The following KAT6B variants were observed in gnomAD, a reference collection of about 807,000 sequenced individuals.
KAT6B encodes lysine acetyltransferase 6B, also known as histone acetyltransferase KAT6B.
Under a neutral mutation model 187.5 loss-of-function variants are expected in KAT6B, and 10 were observed. That is an observed-to-expected ratio of 0.05 (90% CI 0.03 to 0.09). The LOEUF is 0.09. Ranked by LOEUF, KAT6B falls within the 10% of genes least tolerant of loss-of-function variation. KAT6B has a pLI of 1.00. For synonymous variants in KAT6B, 861 were observed against 926.8 expected (o/e 0.93, Z 1.29); for missense variants, 1,952 against 2,558.9 (o/e 0.76, Z 5.12).
intron 17 of KAT6B, chr10:75,026,181 AC>A (rs1385002124): frequency 2.0e-5 from 3 of 150,890 alleles, no homozygotes; most frequent in Non-Finnish European, 4.4e-5. Flanking sequence ...ATCTAAACTT[AC>A]CCACACATCA....
At chr10:74,825,278 C>T (rs934459697), upstream of KAT6B, among the ~76,000 whole-genome samples, 1 of 152,044 alleles carries the variant, frequency 6.6e-6, no homozygotes, top group Non-Finnish European at 1.5e-5. This position sits in a 1 kb window ranked among gnomAD's most constrained non-coding sequence, Gnocchi z 5.0. Context: ...CCAAACGGCC[C>T]AGGCGTCCCC....
At position 74,845,723 on chromosome 10, in the gene KAT6B, A is replaced by G. The variant is rs150965422; in HGVS notation, c.621+2245A>G. On this transcript the variant is annotated intron_variant, in intron 3 of 17. Transcript: ENST00000287239. ...ATGTTGCCTGGGCTAAGTACAGTTT[A>G]GAAACAATTGAAACATGCATGTTAG... is the stretch of plus-strand genomic sequence containing the variant. Among the ~76,000 whole-genome samples the G allele has an allele frequency of 4.9e-3, 734 of 151,260 alleles. 13 individuals are homozygous for G. The highest frequency in any genetic ancestry group is 0.017 in the Admixed American group (255 of 15,220).
chr10:74,858,398 C>T (rs576439660), intron 3 of KAT6B, among the ~76,000 whole-genome samples: 22 of 151,756 alleles, frequency 1.4e-4, no homozygotes, highest in Non-Finnish European at 2.6e-4. Flanking sequence ...ACTCCTCCCA[C>T]CTCAGGGTCC....
At chr10:74,910,503 T>C (rs1847125987) in intron 3 of KAT6B, among the ~76,000 whole-genome samples, 1 of 152,232 alleles carries the variant, frequency 6.6e-6, no homozygotes, top group South Asian at 2.1e-4. Flanking sequence ...ATAACTTCAC[T>C]GTGGGCACCC....
chr10:74,973,831 C>G (rs2133701193), intron 7 of KAT6B, among the ~76,000 whole-genome samples: 1 of 152,146 alleles, frequency 6.6e-6, no homozygotes, highest in South Asian at 2.1e-4. Flanking sequence ...TTGCATTCAT[C>G]CTGTGTAAGC....
chr10:74,904,421 GC>G (rs1411804792), intron 3 of KAT6B, among the ~76,000 whole-genome samples: 1 of 152,172 alleles, frequency 6.6e-6, no homozygotes, highest in Non-Finnish European at 1.5e-5. Context: ...CTGCCACATG[GC>G]CCTCTCTACA....
intron 17 of KAT6B, among the ~76,000 whole-genome samples, chr10:75,026,885 C>G (rs1460381708): frequency 1.3e-5 from 2 of 152,120 alleles, no homozygotes; most frequent in Non-Finnish European, 2.9e-5. Flanking sequence ...CCTGTAATCC[C>G]AGCACTTTGG....
intron 3 of KAT6B, among the ~76,000 whole-genome samples, chr10:74,866,042 G>C (rs1011353969): frequency 3.9e-5 from 6 of 151,996 alleles, no homozygotes; most frequent in Admixed American, 2.6e-4. Flanking sequence ...GGGTTCTTCA[G>C]GGCCAGCTGC....
At chr10:74,904,265 A>G (rs1238335796) in intron 3 of KAT6B, among the ~76,000 whole-genome samples, 1 of 152,198 alleles carries the variant, frequency 6.6e-6, no homozygotes, top group East Asian at 1.9e-4. Context: ...GAGTCCAGGC[A>G]CAGGTAACTG....
At chr10:74,834,326 T>G (rs543882920) in intron 1 of KAT6B, among the ~76,000 whole-genome samples, 270 of 151,570 alleles carry the variant, frequency 1.8e-3, no homozygotes, top group African/African-American at 6.3e-3. Context: ...GCCTTCCGAG[T>G]AGCTGGGACC....
At chr10:74,930,180 C>T (rs1848775781) in intron 3 of KAT6B, among the ~76,000 whole-genome samples, 1 of 152,184 alleles carries the variant, frequency 6.6e-6, no homozygotes, top group Admixed American at 6.5e-5. Context: ...ACTTCGGCCT[C>T]CCAGAGTGTT....
intron 3 of KAT6B, among the ~76,000 whole-genome samples, chr10:74,851,522 G>A (rs1232740157): frequency 6.6e-6 from 1 of 151,892 alleles, no homozygotes; most frequent in Non-Finnish European, 1.5e-5. Context: ...TAGTAGAAAC[G>A]GGGTTTCACC....
At chr10:74,984,772 T>A (rs1842717898) in intron 11 of KAT6B, 1 of 378,766 alleles carries the variant, frequency 2.6e-6, no homozygotes, top group South Asian at 2.5e-5. Context: ...GCCTGATCAT[T>A]TTTAGCTCAG....
At chr10:74,859,055 A>C (rs1842996170) in intron 3 of KAT6B, among the ~76,000 whole-genome samples, 1 of 151,586 alleles carries the variant, frequency 6.6e-6, no homozygotes, top group South Asian at 2.1e-4. Flanking sequence ...TATTTCAAAG[A>C]CTAAGTAACA....
At chr10:75,016,900 G>A (rs1845014973) in intron 13 of KAT6B, among the ~76,000 whole-genome samples, 1 of 95,932 alleles carries the variant, frequency 1.0e-5, no homozygotes, top group African/African-American at 4.2e-5. Flanking sequence ...TTTCACTCTT[G>A]TTGCCCAGGC....
rs749944776 is a variant in KAT6B at position 74,989,000 on chromosome 10, C to G, written c.2536-19C>G. The G allele has an allele frequency of 6.4e-7, 1 of 1,559,728 alleles. No homozygotes were observed. The highest frequency in any genetic ancestry group is 1.1e-5 in the South Asian group (1 of 89,964). On this transcript the variant is annotated intron_variant, in intron 12 of 17. Transcript: ENST00000287239. ...TCAGCAGGGCTCTGACATACTTGAT[C>G]TGTTTCTCCTTCCCTCAGGAAAAGC...
In KAT6B at chr10:75,031,137, A is replaced by G; in HGVS notation, c.*91A>G. 2 of 1,409,838 alleles carry G rather than the reference A, an allele frequency of 1.4e-6. No homozygotes were observed. Among genetic ancestry groups the G allele is most frequent in the Non-Finnish European group, 2.0e-6 (2 of 1,017,516 alleles). The allele number at this position is 1,409,838 out of a possible 1,614,324, so 87.3% of individuals were successfully genotyped here. On this transcript the variant is annotated 3_prime_UTR_variant, in exon 18 of 18. Transcript: ENST00000287239. ...GAAGAGTACGATTTCAAAACCAGCA[A>G]TTGGTGTGAATGCAAAAACATTTGT...
chr10:74,911,890 C>T lies in KAT6B; in HGVS notation c.622-48080C>T, dbSNP rs554406305. On this transcript the variant is annotated intron_variant, in intron 3 of 17. Coordinates refer to ENST00000287239, the MANE Select transcript of KAT6B (RefSeq NM_012330.4). ...TGTTGCTCAGGCTGGAGAGCAGTGG[C>T]ATGATCCTGGACTCAAACAATCTTC... Among the ~76,000 whole-genome samples, 4 of 152,240 alleles carry T rather than the reference C, an allele frequency of 2.6e-5. No homozygotes were observed. The South Asian group carries it at 8.3e-4, about 32-fold the overall frequency.
chr10:74,979,454 C>A, intron 10 of KAT6B, 115 bp downstream of exon 10: 1 of 774,318 alleles, frequency 1.3e-6, no homozygotes, highest in South Asian at 1.5e-5. Flanking sequence ...TTTTGGTAGT[C>A]AATGCCAAGT....
Sources: gnomAD v4.1 joint callset for allele counts (sites outside exome capture counted in the v4.1 genomes callset) on GRCh38, gnomAD v4.1.1 for gene constraint, Gnocchi (gnomAD v3.1) non-coding constraint, MANE v1.5 for transcripts, NCBI Gene and HGNC (gene_info 2026-07-23, HGNC 2026-07-21) for gene names.